The following CFHR5 variants were observed in gnomAD, a reference collection of about 807,000 sequenced individuals.
CFHR5 encodes complement factor H related 5, also known as complement factor H-related protein 5.
Under a neutral mutation model 62.9 loss-of-function variants are expected in CFHR5, and 73 were observed. The ratio of observed to expected loss-of-function variants is 1.16; its 90% CI spans 0.96 to 1.41. The LOEUF (loss-of-function observed/expected upper bound fraction) is 1.41, where lower values mean the gene tolerates loss of function less well. Among genes scored for constraint, CFHR5 ranks in the 40% most tolerant of loss-of-function variants. The probability of loss-of-function intolerance (pLI) is 0.00; values close to 1 mark genes in which losing one functional copy is unlikely to be tolerated. For missense variants in CFHR5, 779 were observed against 679.9 expected, an observed-to-expected ratio of 1.15 and a Z score of -1.62; for synonymous variants, 249 against 227.2, an observed-to-expected ratio of 1.10 and a Z score of -0.86.
chr1:197,009,439 G>A lies in CFHR5; in HGVS notation c.*756G>A, dbSNP rs1467414838. 6.6e-6 allele frequency: 1 copy of A among 152,128 alleles called. No homozygotes were observed. Among genetic ancestry groups the A allele is most frequent in the South Asian group, 2.1e-4 (1 of 4,834 alleles). 9.4% of individuals were successfully genotyped at this position (152,128 alleles called of 1,614,324 possible). On this transcript the variant is annotated 3_prime_UTR_variant, in exon 10 of 10. Coordinates refer to ENST00000256785, the MANE Select transcript of CFHR5 (RefSeq NM_030787.4). ...TTAATTCATCTAATCCCTCCTGTTT[G>A]TCTCAAATTATAGGATAACTTTGAA...
At chr1:196,984,358 A>G (rs1033334332) in intron 3 of CFHR5, among the ~76,000 whole-genome samples, 2 of 152,180 alleles carry the variant, frequency 1.3e-5, no homozygotes, top group Non-Finnish European at 2.9e-5. Flanking sequence ...AGAAGAATAC[A>G]CTTTGAAGAT....
intron 8 of CFHR5, among the ~76,000 whole-genome samples, chr1:197,004,280 GATCAT>G (rs1366143227): frequency 6.6e-6 from 1 of 152,088 alleles, no homozygotes; most frequent in East Asian, 1.9e-4. Context: ...ACAAGTTTAT[GATCAT>G]ATACTAGTTG....
chr1:196,997,275 G>A (rs1414602965), intron 6 of CFHR5, among the ~76,000 whole-genome samples: 2 of 152,128 alleles, frequency 1.3e-5, no homozygotes, highest in Admixed American at 1.3e-4. Flanking sequence ...CCACTACCAG[G>A]AGCCAGAACG....
chr1:197,002,818 G>T lies in CFHR5; in HGVS notation c.1330+154G>T, dbSNP rs1023085845. Among the ~76,000 whole-genome samples, 5 of 152,206 alleles carry T rather than the reference G, an allele frequency of 3.3e-5. 1 individual carries two copies. The highest frequency in any genetic ancestry group is 1.9e-4 in the East Asian group (1 of 5,178). On this transcript the variant is annotated intron_variant, in intron 8 of 9. Coordinates refer to ENST00000256785, the MANE Select transcript of CFHR5 (RefSeq NM_030787.4). Reference sequence around the variant, plus strand: ...GTAACCAATTCTGTCATTTAAAAAAGTTTCTCTAAGAGTTATCTCCAACAG... The same window carrying T: ...GTAACCAATTCTGTCATTTAAAAAATTTTCTCTAAGAGTTATCTCCAACAG...
At chr1:196,983,314 T>C (rs1653592016) in intron 2 of CFHR5, among the ~76,000 whole-genome samples, 2 of 152,214 alleles carry the variant, frequency 1.3e-5, no homozygotes, top group South Asian at 4.1e-4. Flanking sequence ...ATTAATTTTT[T>C]TAAACTGATG....
At chr1:196,985,732 C>G (rs1408500174) in intron 3 of CFHR5, among the ~76,000 whole-genome samples, 1 of 152,168 alleles carries the variant, frequency 6.6e-6, no homozygotes, top group African/African-American at 2.4e-5. Flanking sequence ...CAAGCTGGCT[C>G]TGTGTACAGT....
In CFHR5 at chr1:196,982,882, C is replaced by G. The variant is rs1372346995; in HGVS notation, c.59-3C>G. 4 of 1,612,798 alleles carry G rather than the reference C, an allele frequency of 2.5e-6. No homozygotes were observed. The highest frequency in any genetic ancestry group is 4.5e-5 in the East Asian group (2 of 44,838). ...TTCTTCAGTTTTGTGTTATTTTTCC[C>G]AGGAACACTTTGTGATTTTCCAAAA... On this transcript the variant is annotated splice_polypyrimidine_tract_variant and splice_region_variant and intron_variant, in intron 1 of 9. Transcript: ENST00000256785.
upstream of CFHR5, among the ~76,000 whole-genome samples, chr1:196,976,737 G>A (rs1653400984): frequency 6.7e-6 from 1 of 150,134 alleles, no homozygotes; most frequent in Non-Finnish European, 1.5e-5. Flanking sequence ...TGAACAAAAT[G>A]ATTTTGAATT....
chr1:196,980,037 C>A (rs967337690), intron 1 of CFHR5, among the ~76,000 whole-genome samples: 2 of 152,008 alleles, frequency 1.3e-5, no homozygotes, highest in East Asian at 1.9e-4. Context: ...ACCTTCTACA[C>A]CTTTTTGTTA....
intron 3 of CFHR5, among the ~76,000 whole-genome samples, chr1:196,990,020 TC>T (rs1181744492): frequency 6.6e-6 from 1 of 152,142 alleles, no homozygotes; most frequent in Non-Finnish European, 1.5e-5. Flanking sequence ...TCTTCGTAGG[TC>T]TCTAAGGACT....
intron 3 of CFHR5, among the ~76,000 whole-genome samples, chr1:196,987,208 A>T (rs968706022): frequency 2.6e-5 from 4 of 151,194 alleles, no homozygotes; most frequent in African/African-American, 9.8e-5. Flanking sequence ...CCACTTTTTG[A>T]TGGGGTTTTT....
Position 197,008,630 on chromosome 1 carries a change from C to A in CFHR5, c.1657C>A (p.Pro553Thr). Residue 553 changes from proline to threonine, a missense_variant, in exon 10 of 10, where the codon CCA (proline) becomes ACA (threonine). By Grantham distance (38) the Pro-to-Thr change is conservative. Transcript: ENST00000256785. ...ACATAAAGCGATGATATCATCACCA[C>A]CATTTCGAGCAATCTGTCAGGAAGG... Reference protein sequence around the residue: ...FPHKAMISSPPFRAICQEGKF... With the variant: ...FPHKAMISSPTFRAICQEGKF... 1 of 1,613,846 alleles carries A rather than the reference C, an allele frequency of 6.2e-7. No individual in the cohort carries two copies. The highest frequency in any genetic ancestry group is 8.5e-7 in the Non-Finnish European group (1 of 1,179,872).
At position 197,008,559 on chromosome 1, in the gene CFHR5, T is replaced by G. The variant is rs16840956; in HGVS notation, c.1586T>G (p.Leu529Arg). Reference sequence around the variant, plus strand: ...TTAAAATGGAGAAACGATGGAAAACTCTATGCAAAAACAGGGGATGCTGTT... The same window carrying G: ...TTAAAATGGAGAAACGATGGAAAACGCTATGCAAAAACAGGGGATGCTGTT... ...IQLKWRNDGK[L>R]YAKTGDAVEF... The change falls in exon 10 of 10, where the codon CTC becomes CGC. Residue 529 changes from leucine to arginine, a missense_variant. Coordinates refer to ENST00000256785, the MANE Select transcript of CFHR5 (RefSeq NM_030787.4). 1,002 of 1,613,584 alleles carry G rather than the reference T, an allele frequency of 6.2e-4. 3 individuals carry two copies. The African/African-American group carries it at 0.012, about 20-fold the overall frequency.
intron 9 of CFHR5, among the ~76,000 whole-genome samples, chr1:197,007,935 T>C (rs541251811): frequency 2.1e-3 from 304 of 147,452 alleles, no homozygotes; most frequent in Middle Eastern, 3.6e-3. Context: ...TTAACATACA[T>C]ATAAATGTAT....
intron 6 of CFHR5, among the ~76,000 whole-genome samples, chr1:196,997,555 G>A (rs1406926817): frequency 6.6e-6 from 1 of 152,024 alleles, no homozygotes; most frequent in African/African-American, 2.4e-5. Flanking sequence ...CAAGCAAGAG[G>A]CTTAGTAGGA....
chr1:197,004,719 C>A lies in CFHR5; in HGVS notation c.1389C>A (p.Phe463Leu), dbSNP rs368569601. Residue 463 changes from phenylalanine (F) to leucine (L), a missense_variant, in exon 9 of 10, where the codon TTC becomes TTA. By Grantham distance (22) the Phe-to-Leu change is conservative (BLOSUM62 0). Transcript: ENST00000256785. ...PSINNGDTTS[F>L]PLSVYPPGST... ...TTAACAATGGAGATACCACCTCATT[C>A]CCATTATCAGTATATCCTCCAGGGT... 3 of 1,613,260 alleles carry A rather than the reference C, an allele frequency of 1.9e-6. No individual in the cohort carries two copies. The highest frequency in any genetic ancestry group is 2.5e-6 in the Non-Finnish European group (3 of 1,179,326).
At chr1:197,008,380 T>C (rs368167638) in intron 9 of CFHR5, 107 bp from the exon 10 acceptor site, 1 of 550,914 alleles carries the variant, frequency 1.8e-6, no homozygotes. Context: ...TATTAATATT[T>C]TTCATCATTT....
intron 1 of CFHR5, among the ~76,000 whole-genome samples, chr1:196,978,007 G>T (rs891314570): frequency 1.3e-5 from 2 of 152,130 alleles, no homozygotes; most frequent in African/African-American, 4.8e-5. Context: ...TAATAAAGAT[G>T]ACAAGGTGAA....
chr1:196,986,512 C>T (rs1247011796), intron 3 of CFHR5, among the ~76,000 whole-genome samples: 1 of 152,030 alleles, frequency 6.6e-6, no homozygotes, highest in East Asian at 1.9e-4. Context: ...AATGCTACCC[C>T]TCCCCTACCT....
Sources: gnomAD v4.1 joint callset for allele counts (sites outside exome capture counted in the v4.1 genomes callset) on GRCh38, gnomAD v4.1.1 for gene constraint, MANE v1.5 for transcripts, NCBI Gene and HGNC (gene_info 2026-07-23, HGNC 2026-07-21) for gene names.